ABCA12: variants seen among roughly 807,000 people sequenced by gnomAD.
ABCA12 encodes the protein ATP binding cassette subfamily A member 12.
Under a neutral mutation model 293.5 loss-of-function variants are expected in ABCA12, and 156 were observed. The ratio of observed to expected loss-of-function variants is 0.53; its 90% CI spans 0.47 to 0.61. ABCA12 has a LOEUF of 0.61. Ranked by LOEUF, ABCA12 falls within the 20% of genes least tolerant of loss-of-function variation. The pLI, the probability that ABCA12 is intolerant of heterozygous loss-of-function variation, is 0.00. For synonymous variants in ABCA12, 1,063 were observed against 1,108.0 expected, an observed-to-expected ratio of 0.96 and a Z score of 0.81; for missense variants, 2,797 against 3,090.2, an observed-to-expected ratio of 0.91 and a Z score of 2.25.
chr2:215,016,269 T>C (rs1178268718), intron 14 of ABCA12, among the ~76,000 whole-genome samples: 2 of 150,788 alleles, frequency 1.3e-5, no homozygotes, highest in African/African-American at 4.9e-5. Context: ...GGAGTAAGTT[T>C]GGGGAAAACG....
intron 22 of ABCA12, among the ~76,000 whole-genome samples, chr2:214,999,064 A>T (rs1206524792): frequency 6.6e-6 from 1 of 152,086 alleles, no homozygotes; most frequent in East Asian, 1.9e-4. Flanking sequence ...ATTATCAGAG[A>T]GATGAGGTGT....
At chr2:215,079,708 C>T (rs1701900110) in intron 2 of ABCA12, among the ~76,000 whole-genome samples, 1 of 112,558 alleles carries the variant, frequency 8.9e-6, no homozygotes, top group African/African-American at 2.7e-5. Context: ...CCCTGGGCAT[C>T]AGACTCTTTT....
intron 36 of ABCA12, among the ~76,000 whole-genome samples, chr2:214,971,343 T>C (rs1315810009): frequency 6.6e-6 from 1 of 152,168 alleles, no homozygotes; most frequent in Admixed American, 6.5e-5. Context: ...CTCTTATGTA[T>C]TCGTGTAATT....
intron 51 of ABCA12, 139 bp from the exon 52 acceptor site, chr2:214,934,354 A>G (rs1460961776): frequency 1.0e-6 from 1 of 998,264 alleles, no homozygotes; most frequent in Non-Finnish European, 1.6e-6. Flanking sequence ...AATAACGAGT[A>G]TATTTTGAAA....
rs985294198 is a variant in ABCA12, at chr2:214,955,234, A to G, written c.6361T>C (p.Tyr2121His). Residue 2121 changes from tyrosine to histidine, a missense_variant, in exon 43 of 53, where the codon TAC (tyrosine) becomes CAC (histidine). Transcript: ENST00000272895. Reference protein sequence around the residue: ...INSIVSLSVVYFLSKEKPNDP... With the variant: ...INSIVSLSVVHFLSKEKPNDP... Reference sequence around the variant, plus strand: ...TTAGGCTTTTCCTTGGAAAGAAAGTATACCACTGACAGGGAAACAATGGAA... The same window carrying G: ...TTAGGCTTTTCCTTGGAAAGAAAGTGTACCACTGACAGGGAAACAATGGAA... The G allele has an allele frequency of 1.2e-6, 2 of 1,614,160 alleles. No homozygotes were observed. The highest frequency in any genetic ancestry group is 4.5e-5 in the East Asian group (2 of 44,872).
At chr2:214,952,181 T>G (rs1420925445) in intron 44 of ABCA12, among the ~76,000 whole-genome samples, 1 of 151,948 alleles carries the variant, frequency 6.6e-6, no homozygotes, top group Non-Finnish European at 1.5e-5. Flanking sequence ...TCCAAAATCA[T>G]GTAGTCAGTC....
At chr2:215,123,166 CTTT>C (rs1702844115) in intron 1 of ABCA12, among the ~76,000 whole-genome samples, 1 of 151,736 alleles carries the variant, frequency 6.6e-6, no homozygotes. Context: ...ACCACATTTT[CTTT>C]TTTTTCTTTT....
chr2:215,074,729 G>T (rs1701801281), intron 2 of ABCA12, among the ~76,000 whole-genome samples: 1 of 152,082 alleles, frequency 6.6e-6, no homozygotes, highest in Admixed American at 6.6e-5. Context: ...CGATCATGAG[G>T]TCAGGAGATC....
rs919949422 is a variant in ABCA12 at position 215,068,795 on chromosome 2, C to T, written c.164-4576G>A. Among the ~76,000 whole-genome samples the T allele has an allele frequency of 5.9e-5, 9 of 152,228 alleles. No individual in the cohort carries two copies. The South Asian group carries it at 1.7e-3, about 28-fold the overall frequency. ...CAAGAATGCAGTTGTCTCTCAATGT[C>T]TTCCTTTACTTTGTCTTTTTCACCA... On this transcript the variant is annotated intron_variant, in intron 2 of 52. Transcript: ENST00000272895.
chr2:215,054,199 A>T (rs1701375340), intron 4 of ABCA12, among the ~76,000 whole-genome samples: 1 of 152,068 alleles, frequency 6.6e-6, no homozygotes, highest in African/African-American at 2.4e-5. Flanking sequence ...CATCTGTAAA[A>T]TGGAAAATCT....
At chr2:215,003,816 C>G (rs1700194950) in intron 20 of ABCA12, among the ~76,000 whole-genome samples, 3 of 152,012 alleles carry the variant, frequency 2.0e-5, no homozygotes, top group African/African-American at 7.3e-5. Flanking sequence ...TACAGGCGTG[C>G]ACCACCATGC....
chr2:214,976,105 ACT>A (rs1209698367), intron 33 of ABCA12, 68 bp from the exon 34 acceptor site: 2 of 1,584,188 alleles, frequency 1.3e-6, no homozygotes, highest in East Asian at 4.6e-5. Flanking sequence ...AACTTCAGAA[ACT>A]ATATATAAAT....
At chr2:214,944,442 T>A (rs941750524) in intron 49 of ABCA12, among the ~76,000 whole-genome samples, 38 of 143,650 alleles carry the variant, frequency 2.6e-4, no homozygotes, top group African/African-American at 9.2e-4. Context: ...AAAAAAAAAA[T>A]TTCAAATAGA....
chr2:215,058,569 G>T (rs1334320196), intron 3 of ABCA12, among the ~76,000 whole-genome samples: 1 of 152,040 alleles, frequency 6.6e-6, no homozygotes, highest in Non-Finnish European at 1.5e-5. Context: ...GCTGTCCACT[G>T]AATTCGGGAC....
intron 2 of ABCA12, 137 bp from the exon 3 acceptor site, chr2:215,064,356 C>T (rs1288808945): frequency 2.5e-5 from 21 of 825,028 alleles, no homozygotes; most frequent in Middle Eastern, 3.5e-4. Context: ...CCCAACTCTG[C>T]AACTAACACT....
intron 8 of ABCA12, among the ~76,000 whole-genome samples, chr2:215,036,304 C>T (rs1473278681): frequency 2.6e-5 from 4 of 152,146 alleles, no homozygotes; most frequent in African/African-American, 9.7e-5. Flanking sequence ...TCTCAGGATG[C>T]TTATTTTGTA....
intron 1 of ABCA12, 29 bp from the exon 2 acceptor site, chr2:215,111,719 A>C: frequency 2.6e-6 from 4 of 1,556,992 alleles, no homozygotes; most frequent in Non-Finnish European, 3.5e-6. Context: ...AAAAATTGTT[A>C]GTTTTATTGT....
rs776660007 is a variant in ABCA12, at chr2:214,970,317, C to T, written c.5646G>A (p.Val1882=). The T allele has an allele frequency of 2.5e-6, 4 of 1,612,894 alleles. No homozygotes were observed. Among genetic ancestry groups the T allele is most frequent in the Admixed American group, 1.7e-5 (1 of 59,918 alleles). ...QVIYNLTGQR[V]ENYLISTANE... is the part of the protein sequence containing the mutation. Reference sequence around the variant, plus strand: ...TTGCAGTTGATATAAGATAATTTTCCACTCGTTGCCCAGTGAGGTTATAAA... The same window carrying T: ...TTGCAGTTGATATAAGATAATTTTCTACTCGTTGCCCAGTGAGGTTATAAA... The change falls in exon 37 of 53, where the codon GTG becomes GTA. Residue 1882 remains valine, a synonymous_variant. Transcript: ENST00000272895.
chr2:215,018,377 T>C (rs1700552731), intron 13 of ABCA12, among the ~76,000 whole-genome samples: 2 of 152,232 alleles, frequency 1.3e-5, no homozygotes, highest in South Asian at 4.1e-4. Context: ...TCCTTAGGTA[T>C]CTACAAGTCA....
Sources: allele counts gnomAD v4.1 joint callset (sites outside exome capture counted in the v4.1 genomes callset), GRCh38; gene constraint gnomAD v4.1.1; transcripts MANE v1.5; gene names NCBI Gene and HGNC (gene_info 2026-07-23, HGNC 2026-07-21).